AMBRA1: variants seen among roughly 807,000 people sequenced by gnomAD.
AMBRA1 encodes the protein activating molecule in BECN1-regulated autophagy protein 1.
In AMBRA1, 47 loss-of-function variants were observed where a neutral mutation model predicts 125.4. The observed-to-expected ratio is 0.37, with a 90% CI of 0.30 to 0.48. The LOEUF (loss-of-function observed/expected upper bound fraction) is 0.48, where lower values mean the gene tolerates loss of function less well. Ranked by LOEUF, AMBRA1 falls within the 20% of genes least tolerant of loss-of-function variation. The pLI, the probability that AMBRA1 is intolerant of heterozygous loss-of-function variation, is 0.99. For missense variants in AMBRA1, 1,331 were observed against 1,693.4 expected, an observed-to-expected ratio of 0.79 and a Z score of 3.76; for synonymous variants, 626 against 655.5, an observed-to-expected ratio of 0.95 and a Z score of 0.69.
intron 9 of AMBRA1, among the ~76,000 whole-genome samples, chr11:46,505,738 A>C (rs1244476695): frequency 2.6e-5 from 4 of 151,786 alleles, no homozygotes; most frequent in African/African-American, 9.7e-5. Flanking sequence ...CTGACACAGG[A>C]AAATCGAGGG....
chr11:46,531,531 G>A (rs186399245), intron 7 of AMBRA1, among the ~76,000 whole-genome samples: 3 of 151,994 alleles, frequency 2.0e-5, no homozygotes, highest in East Asian at 2.0e-4. Flanking sequence ...CCAATATGGC[G>A]AAACCCTGTC....
chr11:46,504,749 G>A (rs573307721), intron 9 of AMBRA1: 3 of 152,196 alleles, frequency 2.0e-5, no homozygotes, highest in Non-Finnish European at 4.4e-5. Context: ...AAATCTCAAT[G>A]GTCTTGCTCC....
chr11:46,541,550 G>T (rs773833289), intron 7 of AMBRA1, among the ~76,000 whole-genome samples: 2 of 152,070 alleles, frequency 1.3e-5, no homozygotes, highest in Non-Finnish European at 2.9e-5. Context: ...TACCATGCAG[G>T]GTTCTCTTTT....
chr11:46,402,984 G>A (rs1945838284), intron 17 of AMBRA1, among the ~76,000 whole-genome samples: 2 of 152,160 alleles, frequency 1.3e-5, no homozygotes, highest in Admixed American at 1.3e-4. Flanking sequence ...AGAGGGAAAT[G>A]GCAGTTACAG....
intron 5 of AMBRA1, 147 bp from the exon 6 acceptor site, chr11:46,544,188 C>A: frequency 1.6e-6 from 1 of 617,000 alleles, no homozygotes; most frequent in Non-Finnish European, 2.9e-6. Flanking sequence ...CCAAAACTTT[C>A]AAAGAGATTA....
intron 1 of AMBRA1, among the ~76,000 whole-genome samples, chr11:46,562,758 T>G (rs2043377899): frequency 6.6e-6 from 1 of 152,068 alleles, no homozygotes; most frequent in Non-Finnish European, 1.5e-5. Flanking sequence ...AACTTAAATT[T>G]TTCCTATAAA....
rs75486765 is a variant in AMBRA1 at position 46,543,945 on chromosome 11, G to C, written c.618+30C>G. 38,251 of 1,572,200 alleles carry C rather than the reference G, an allele frequency of 0.024. 565 individuals carry two copies. The highest frequency in any genetic ancestry group is 0.029 in the Non-Finnish European group (33,229 of 1,144,664). ...AGTTAAGAAAAGAACTCACAGTTTAGCTGGAATTGGAACTGCTGGACTAAC... is the reference window on the plus strand; with the variant it reads ...AGTTAAGAAAAGAACTCACAGTTTACCTGGAATTGGAACTGCTGGACTAAC... On this transcript the variant is annotated intron_variant, in intron 6 of 17. Transcript: ENST00000683756.
chr11:46,428,864 C>T (rs533328941), intron 14 of AMBRA1: 145 of 1,611,702 alleles, frequency 9.0e-5, no homozygotes, highest in East Asian at 7.4e-4. Context: ...TGGACGGCTA[C>T]GGCGTAGGAT....
intron 11 of AMBRA1, among the ~76,000 whole-genome samples, chr11:46,482,217 T>G (rs1950098063): frequency 6.6e-6 from 1 of 152,232 alleles, no homozygotes; most frequent in Non-Finnish European, 1.5e-5. Flanking sequence ...AAATTCTGTC[T>G]TTTCACTACC....
intron 8 of AMBRA1, among the ~76,000 whole-genome samples, chr11:46,510,292 G>A (rs1207503038): frequency 6.6e-6 from 1 of 152,186 alleles, no homozygotes; most frequent in African/African-American, 2.4e-5. Flanking sequence ...TTGGGCCCCT[G>A]TTCCCATGCA....
At chr11:46,546,033 C>CTTTTTT (rs35703280) in intron 4 of AMBRA1, 20 of 139,158 alleles carry the variant, frequency 1.4e-4, no homozygotes, top group Non-Finnish European at 2.5e-4. Flanking sequence ...GTTCCTATTT[C>CTTTTTT]TTTTTTTTTT....
intron 3 of AMBRA1, 98 bp downstream of exon 3, chr11:46,547,719 A>G: frequency 8.1e-7 from 1 of 1,237,240 alleles, no homozygotes; most frequent in Non-Finnish European, 1.2e-6. Context: ...ACAGTACTTC[A>G]GAGAGACTTT....
intron 1 of AMBRA1, among the ~76,000 whole-genome samples, chr11:46,558,283 G>A (rs933931074): frequency 2.6e-5 from 4 of 151,900 alleles, no homozygotes; most frequent in African/African-American, 9.7e-5. Context: ...GGGCGCAGTC[G>A]CTCACACCTG....
At position 46,579,142 on chromosome 11, in the gene AMBRA1, C is replaced by T. The variant is rs556333160; in HGVS notation, c.-121+14686G>A. Among the ~76,000 whole-genome samples, 7 of 149,656 alleles carry T rather than the reference C, an allele frequency of 4.7e-5. No homozygotes were observed. In the South Asian group the frequency reaches 1.1e-3, roughly 23 times the overall value. ...CAGTAGGGAGGTGAAAAAAGAAAGG[C>T]TAAACATAGCAAATTTTAAAAGTAC... On this transcript the variant is annotated intron_variant, in intron 1 of 17. Coordinates refer to ENST00000683756, the MANE Select transcript of AMBRA1 (RefSeq NM_001387011.1).
intron 1 of AMBRA1, among the ~76,000 whole-genome samples, chr11:46,576,281 T>C (rs769195745): frequency 5.7e-4 from 87 of 152,258 alleles, no homozygotes; most frequent in Admixed American, 1.0e-3. Flanking sequence ...CTCATGAAAA[T>C]GCCAGAGACA....
chr11:46,508,372 T>C lies in AMBRA1; in HGVS notation c.2160-2A>G. The C allele has an allele frequency of 6.2e-7, 1 of 1,613,306 alleles. No homozygotes were observed. The highest frequency in any genetic ancestry group is 8.5e-7 in the Non-Finnish European group (1 of 1,179,362). On this transcript the variant is annotated splice_acceptor_variant, in intron 8 of 17. Coordinates refer to ENST00000683756, the MANE Select transcript of AMBRA1 (RefSeq NM_001387011.1). LOFTEE classifies it high-confidence loss of function. The stretch of plus-strand genomic sequence containing the variant: ...GCGTAGTATGCAGCAGGAGATAATC[T>C]GAGAGAGACAGAGATGGACAAACAC...
chr11:46,577,327 C>T (rs1429128051), intron 1 of AMBRA1, among the ~76,000 whole-genome samples: 1 of 152,030 alleles, frequency 6.6e-6, no homozygotes, highest in Non-Finnish European at 1.5e-5. Flanking sequence ...AATAAACCTC[C>T]AAAACATTAC....
intron 1 of AMBRA1, chr11:46,590,979 T>C (rs1307688105): frequency 1.3e-5 from 2 of 151,494 alleles, no homozygotes; most frequent in Admixed American, 1.3e-4. Flanking sequence ...AAGCATGAGA[T>C]AAGTTGATTA....
intron 5 of AMBRA1, 46 bp downstream of exon 5, chr11:46,545,558 C>T (rs1952977785): frequency 5.7e-6 from 9 of 1,580,578 alleles, no homozygotes; most frequent in Non-Finnish European, 7.8e-6. Flanking sequence ...TGTTCTCTAT[C>T]ACGTCAGTCC....
Sources: allele counts gnomAD v4.1 joint callset (sites outside exome capture counted in the v4.1 genomes callset), GRCh38; gene constraint gnomAD v4.1.1; transcripts MANE v1.5; gene names NCBI Gene and HGNC (gene_info 2026-07-23, HGNC 2026-07-21).